Variants in CRACR2A observed in about 807,000 individuals in gnomAD.
CRACR2A encodes calcium release activated channel regulator 2A.
A neutral mutation model predicts 90.5 loss-of-function variants in CRACR2A; 79 were observed. The observed-to-expected ratio is 0.87, with a 90% CI of 0.73 to 1.05. CRACR2A has a LOEUF of 1.05. CRACR2A is among the 50% of genes least tolerant of loss of function. CRACR2A has a pLI of 0.00. For synonymous variants in CRACR2A, 338 were observed against 356.7 expected (o/e 0.95, Z 0.59); for missense variants, 823 against 897.2 (o/e 0.92, Z 1.06).
intron 1 of CRACR2A, among the ~76,000 whole-genome samples, chr12:3,747,847 A>T (rs1324766987): frequency 2.0e-5 from 3 of 152,082 alleles, no homozygotes; most frequent in African/African-American, 7.2e-5. Flanking sequence ...CCTCTAACTA[A>T]GCCCAGAAGG....
At chr12:3,646,458 GAA>G (rs1261363468) in intron 11 of CRACR2A, among the ~76,000 whole-genome samples, 2 of 152,232 alleles carry the variant, frequency 1.3e-5, no homozygotes, top group African/African-American at 4.8e-5. Context: ...GTAAACTATA[GAA>G]AGAGATTTTA....
intron 7 of CRACR2A, 132 bp downstream of exon 7, chr12:3,673,314 T>C (rs56040859): frequency 0.15 from 162,693 of 1,078,082 alleles, 13,483 homozygotes; most frequent in Admixed American, 0.26. Flanking sequence ...ACACAGGGCC[T>C]GGTCCCCACT....
intron 1 of CRACR2A, among the ~76,000 whole-genome samples, chr12:3,748,132 T>C (rs1300282556): frequency 6.6e-6 from 1 of 152,170 alleles, no homozygotes; most frequent in African/African-American, 2.4e-5. Context: ...GGGACTTGCT[T>C]GGGTAAAACA....
chr12:3,698,640 G>T (rs1436492452), intron 3 of CRACR2A, among the ~76,000 whole-genome samples: 1 of 152,190 alleles, frequency 6.6e-6, no homozygotes, highest in East Asian at 1.9e-4. Flanking sequence ...CTCAGGAAAT[G>T]TTCTTTCTCG....
chr12:3,703,252 C>T (rs1945861979), intron 3 of CRACR2A, among the ~76,000 whole-genome samples: 2 of 152,122 alleles, frequency 1.3e-5, no homozygotes, highest in Admixed American at 1.3e-4. Context: ...CCACGCCCAG[C>T]TAATTTTTTA....
At chr12:3,652,390 A>G (rs765486982) in intron 10 of CRACR2A, among the ~76,000 whole-genome samples, 1 of 152,222 alleles carries the variant, frequency 6.6e-6, no homozygotes. Context: ...TTGTCCTTCC[A>G]CAATTGGTCA....
intron 2 of CRACR2A, among the ~76,000 whole-genome samples, chr12:3,720,306 A>G (rs1591710310): frequency 6.8e-6 from 1 of 146,964 alleles, no homozygotes; most frequent in Non-Finnish European, 1.5e-5. Context: ...AAAGAAAGAA[A>G]GAAGGAAAGA....
Position 3,644,570 on chromosome 12 carries a change from A to G in CRACR2A, c.1164+25T>C. On this transcript the variant is annotated intron_variant, in intron 12 of 19. Transcript: ENST00000440314. ...TGGACCACAGCCCTTGGTCCCCCAC[A>G]GGTAAGGGAGAACTGGCCAATTACC... 2.6e-6 allele frequency: 4 copies of G among 1,550,622 alleles called. No individual in the cohort carries two copies. The South Asian group carries it at 4.8e-5, about 18-fold the overall frequency.
At chr12:3,679,844 A>T (rs1353840414) in intron 5 of CRACR2A, among the ~76,000 whole-genome samples, 1 of 152,154 alleles carries the variant, frequency 6.6e-6, no homozygotes, top group Admixed American at 6.5e-5. Context: ...ATTCAGCCAG[A>T]CTTGGGTTGG....
chr12:3,673,562 C>T lies in CRACR2A; in HGVS notation c.555G>A (p.Gln185=), dbSNP rs71583724. 4.0e-4 allele frequency: 653 copies of T among 1,613,824 alleles called. No individual in the cohort carries two copies. Among genetic ancestry groups the T allele is most frequent in the Non-Finnish European group, 5.0e-4 (593 of 1,180,012 alleles). ...DESDVKQLWL[Q]LKKEEPHLLS... ...GTAAATGAGGTTCCTCCTTCTTCAG[C>T]TGCAACCAGAGCTGCTTGACATCAC... Residue 185 remains glutamine, a synonymous_variant, in exon 7 of 20, where the codon CAG becomes CAA. Transcript: ENST00000440314.
rs186884870 is a variant in CRACR2A at position 3,618,338 on chromosome 12, T to C, written c.2034+933A>G. Among the ~76,000 whole-genome samples the C allele has an allele frequency of 1.3e-3, 203 of 152,328 alleles. 1 individual carries two copies. The highest frequency in any genetic ancestry group is 4.6e-3 in the African/African-American group (190 of 41,578). On this transcript the variant is annotated intron_variant, in intron 18 of 19. Coordinates refer to ENST00000440314, the MANE Select transcript of CRACR2A (RefSeq NM_001144958.2). ...CACTCTATAATCAAATATATTACTA[T>C]TTCTTCAGTGAAACCTTTGACTATT...
chr12:3,649,076 G>A (rs1485327660), intron 10 of CRACR2A, among the ~76,000 whole-genome samples: 4 of 151,746 alleles, frequency 2.6e-5, no homozygotes, highest in African/African-American at 9.7e-5. Flanking sequence ...ACCAGGGACT[G>A]TTGTGGGGTG....
At chr12:3,714,937 G>A (rs1946060709) in intron 2 of CRACR2A, among the ~76,000 whole-genome samples, 1 of 152,224 alleles carries the variant, frequency 6.6e-6, no homozygotes, top group Admixed American at 6.5e-5. Flanking sequence ...CTGACTTCTA[G>A]GCCAATGTAT....
chr12:3,738,444 G>A (rs568655503), intron 1 of CRACR2A, among the ~76,000 whole-genome samples: 1 of 152,204 alleles, frequency 6.6e-6, no homozygotes, highest in South Asian at 2.1e-4. Context: ...AAGAAGTTTT[G>A]AAGAATGAAC....
chr12:3,696,369 T>C (rs1945740272), intron 4 of CRACR2A, among the ~76,000 whole-genome samples: 1 of 152,190 alleles, frequency 6.6e-6, no homozygotes, highest in Non-Finnish European at 1.5e-5. Context: ...CAGAAATGCC[T>C]TCCTCTCATG....
At chr12:3,674,308 C>T (rs987152863) in intron 6 of CRACR2A, among the ~76,000 whole-genome samples, 4 of 152,070 alleles carry the variant, frequency 2.6e-5, no homozygotes, top group Admixed American at 2.0e-4. Context: ...AAAGACAAGG[C>T]GAGAGAGACT....
intron 17 of CRACR2A, among the ~76,000 whole-genome samples, chr12:3,624,567 T>G (rs1407675779): frequency 6.6e-6 from 1 of 152,220 alleles, no homozygotes; most frequent in African/African-American, 2.4e-5. Context: ...CTCCTGCACT[T>G]GTTTCTGAAA....
chr12:3,632,181 A>G (rs1378522367), intron 15 of CRACR2A, among the ~76,000 whole-genome samples: 1 of 152,068 alleles, frequency 6.6e-6, no homozygotes, highest in Non-Finnish European at 1.5e-5. Flanking sequence ...TGCTCTGGCC[A>G]TGTAAGATGT....
chr12:3,722,374 C>T (rs1453663566), intron 2 of CRACR2A, among the ~76,000 whole-genome samples: 2 of 152,156 alleles, frequency 1.3e-5, no homozygotes, highest in Non-Finnish European at 2.9e-5. Context: ...TTCATTTACA[C>T]ATGAGGTTCA....
Sources: gnomAD v4.1 joint callset for allele counts (sites outside exome capture counted in the v4.1 genomes callset) on GRCh38, gnomAD v4.1.1 for gene constraint, MANE v1.5 for transcripts, NCBI Gene and HGNC (gene_info 2026-07-23, HGNC 2026-07-21) for gene names.